The following HPSE2 variants were observed in gnomAD, a reference collection of about 807,000 sequenced individuals.
The protein encoded by HPSE2 is heparanase 2 (inactive), also known as inactive heparanase-2.
In HPSE2, 38 loss-of-function variants were observed where a neutral mutation model predicts 60.5. The ratio of observed to expected loss-of-function variants is 0.63; its 90% CI spans 0.48 to 0.82. The LOEUF (loss-of-function observed/expected upper bound fraction) is 0.82. Ranked by LOEUF, HPSE2 falls within the 40% of genes least tolerant of loss-of-function variation. The pLI is 0.00. For synonymous variants in HPSE2, 295 were observed against 293.2 expected, an observed-to-expected ratio of 1.01 and a Z score of -0.06; for missense variants, 713 against 740.4, an observed-to-expected ratio of 0.96 and a Z score of 0.43.
chr10:98,722,542 C>A (rs1340498623), intron 4 of HPSE2, among the ~76,000 whole-genome samples: 2 of 152,078 alleles, frequency 1.3e-5, no homozygotes, highest in African/African-American at 4.8e-5. Flanking sequence ...AAAACTAATA[C>A]ACATGGTAAG....
At chr10:98,997,266 C>A (rs1956668678) in intron 3 of HPSE2, among the ~76,000 whole-genome samples, 4 of 152,098 alleles carry the variant, frequency 2.6e-5, no homozygotes, top group African/African-American at 9.6e-5. Flanking sequence ...GCATATGCCA[C>A]CATGCCCGGC....
At chr10:98,695,769 T>C (rs1477388633) in intron 5 of HPSE2, among the ~76,000 whole-genome samples, 1 of 152,072 alleles carries the variant, frequency 6.6e-6, no homozygotes, top group Non-Finnish European at 1.5e-5. Context: ...CAGGACAATC[T>C]CTTTTGGGTT....
At chr10:98,599,076 C>A (rs899706829) in intron 9 of HPSE2, among the ~76,000 whole-genome samples, 1 of 152,086 alleles carries the variant, frequency 6.6e-6, no homozygotes. Flanking sequence ...CTGGGATCTA[C>A]TGAGAATGGC....
intron 6 of HPSE2, among the ~76,000 whole-genome samples, chr10:98,688,545 G>A (rs1170655210): frequency 5.0e-5 from 7 of 140,008 alleles, no homozygotes; most frequent in Admixed American, 7.9e-5. Context: ...ATACTATCTC[G>A]GCTAACTGCA....
chr10:99,008,880 A>G (rs1168554982), intron 3 of HPSE2, among the ~76,000 whole-genome samples: 1 of 152,130 alleles, frequency 6.6e-6, no homozygotes, highest in Non-Finnish European at 1.5e-5. Context: ...TGATCCCTTT[A>G]TTGTCACAAC....
chr10:98,688,282 T>C (rs1270239084), intron 6 of HPSE2, among the ~76,000 whole-genome samples: 1 of 152,004 alleles, frequency 6.6e-6, no homozygotes, highest in East Asian at 1.9e-4. Context: ...ACATATGTTA[T>C]CAACCCCATA....
At chr10:98,665,351 G>C (rs1947334583) in intron 6 of HPSE2, among the ~76,000 whole-genome samples, 1 of 152,132 alleles carries the variant, frequency 6.6e-6, no homozygotes, top group South Asian at 2.1e-4. Flanking sequence ...TAAGCAACTT[G>C]GAAAACATAT....
At chr10:98,761,907 A>G (rs904784855) in intron 3 of HPSE2, among the ~76,000 whole-genome samples, 2 of 152,106 alleles carry the variant, frequency 1.3e-5, no homozygotes, top group Non-Finnish European at 2.9e-5. Context: ...CATTATTTCT[A>G]GCCATAGAAT....
intron 3 of HPSE2, among the ~76,000 whole-genome samples, chr10:98,948,131 AC>A (rs1461901187): frequency 6.6e-6 from 1 of 152,216 alleles, no homozygotes; most frequent in East Asian, 1.9e-4. Context: ...TGGAAGGATT[AC>A]AACATTGAAG....
intron 6 of HPSE2, among the ~76,000 whole-genome samples, chr10:98,673,887 T>A (rs1406897214): frequency 6.6e-6 from 1 of 152,196 alleles, no homozygotes; most frequent in Non-Finnish European, 1.5e-5. Flanking sequence ...ACTTACCCCA[T>A]GGAGGAAGAT....
chr10:98,636,817 C>CA (rs1255577089), intron 7 of HPSE2, among the ~76,000 whole-genome samples: 1 of 152,134 alleles, frequency 6.6e-6, no homozygotes, highest in Admixed American at 6.5e-5. Flanking sequence ...AAAATAATAT[C>CA]AAAAAGTGTT....
intron 3 of HPSE2, among the ~76,000 whole-genome samples, chr10:98,842,337 T>G (rs1359946301): frequency 6.6e-6 from 1 of 152,184 alleles, no homozygotes; most frequent in African/African-American, 2.4e-5. Flanking sequence ...GACAACATAA[T>G]GCAGGCTCCA....
At position 98,458,260 on chromosome 10, in the gene HPSE2, G is replaced by A. The variant is rs12269710; in HGVS notation, c.*1314C>T. 0.021 allele frequency: 3,209 copies of A among 152,182 alleles called. 49 individuals are homozygous for A. Among genetic ancestry groups the A allele is most frequent in the Non-Finnish European group, 0.023 (1,573 of 68,018 alleles). The allele number at this position is 152,182 out of a possible 1,614,324, so 9.4% of individuals were successfully genotyped here. A position where few individuals can be genotyped will look rare whatever the true frequency, so the allele number is the denominator to read the frequency against. Reference sequence around the variant, plus strand: ...CAAATCTCTCCTCCTTCTAACAAAAGCATCATTCCTGTCATTTATCCTGAG... The same window carrying A: ...CAAATCTCTCCTCCTTCTAACAAAAACATCATTCCTGTCATTTATCCTGAG... On this transcript the variant is annotated 3_prime_UTR_variant, in exon 12 of 12. Coordinates refer to ENST00000370552, the MANE Select transcript of HPSE2 (RefSeq NM_021828.5).
intron 7 of HPSE2, among the ~76,000 whole-genome samples, chr10:98,636,503 G>T (rs1422105079): frequency 1.3e-5 from 2 of 152,280 alleles, no homozygotes; most frequent in Non-Finnish European, 2.9e-5. Flanking sequence ...GCCTCCCAAA[G>T]TGCTGGGATT....
At chr10:98,927,419 A>C (rs1954505294) in intron 3 of HPSE2, among the ~76,000 whole-genome samples, 2 of 151,238 alleles carry the variant, frequency 1.3e-5, no homozygotes, top group South Asian at 2.1e-4. Context: ...TGCCCAAGGT[A>C]ATTTATAGAT....
intron 3 of HPSE2, among the ~76,000 whole-genome samples, chr10:99,016,513 CT>C (rs955961389): frequency 5.8e-4 from 88 of 151,948 alleles, no homozygotes; most frequent in African/African-American, 2.1e-3. Context: ...TATTCAGGCT[CT>C]TTTTTGGTTC....
At chr10:98,612,651 A>G (rs1945793811) in intron 9 of HPSE2, among the ~76,000 whole-genome samples, 1 of 152,246 alleles carries the variant, frequency 6.6e-6, no homozygotes, top group African/African-American at 2.4e-5. Context: ...AAAGGAAAGA[A>G]AGGAAAAAGA....
chr10:99,130,531 A>G (rs1417447448), intron 3 of HPSE2, among the ~76,000 whole-genome samples: 1 of 152,218 alleles, frequency 6.6e-6, no homozygotes, highest in Non-Finnish European at 1.5e-5. Flanking sequence ...GAGATGAATT[A>G]AGAGTCCTTT....
chr10:98,721,915 C>G, intron 4 of HPSE2, 87 bp from the exon 5 acceptor site: 1 of 1,048,242 alleles, frequency 9.5e-7, no homozygotes, highest in South Asian at 1.3e-5. Flanking sequence ...CTGCCTTTTT[C>G]TTAATAATAT....
Sources: gnomAD v4.1 joint callset for allele counts (sites outside exome capture counted in the v4.1 genomes callset) on GRCh38, gnomAD v4.1.1 for gene constraint, MANE v1.5 for transcripts, NCBI Gene and HGNC (gene_info 2026-07-23, HGNC 2026-07-21) for gene names.